PALB2: variants seen among roughly 807,000 people sequenced by gnomAD.
PALB2 encodes the protein partner and localizer of BRCA2.
PALB2 carries 82 observed loss-of-function variants against 107.4 expected under a neutral mutation model. That is an observed-to-expected ratio of 0.76 (90% CI 0.64 to 0.92). PALB2 has a LOEUF of 0.92. Ranked by LOEUF, PALB2 falls within the 40% of genes least tolerant of loss-of-function variation. PALB2 has a pLI of 0.00. For synonymous variants in PALB2, 489 were observed against 496.8 expected, an observed-to-expected ratio of 0.98 and a Z score of 0.21; for missense variants, 1,374 against 1,379.9, an observed-to-expected ratio of 1.00 and a Z score of 0.07.
chr16:23,628,759 T>C (rs974455402), intron 6 of PALB2, among the ~76,000 whole-genome samples: 3 of 152,108 alleles, frequency 2.0e-5, no homozygotes, highest in African/African-American at 7.2e-5. Flanking sequence ...TCAGCCTCCC[T>C]AGCAGCTGGG....
chr16:23,607,997 C>CAAT lies in PALB2; in HGVS notation c.3214_3216dup (p.Ile1072dup). 6.2e-7 allele frequency: 1 copy of CAAT among 1,613,860 alleles called. No individual in the cohort carries two copies. Among genetic ancestry groups the CAAT allele is most frequent in the South Asian group, 1.1e-5 (1 of 91,074 alleles). ...TCTTTGGCACAGGGATGACTCAGGA[C>CAAT]AATAAAGAGAAGCCCCTAATTTCGG... On this transcript the variant is annotated inframe_insertion, in exon 12 of 13. Transcript: ENST00000261584.
rs180177126 is a variant in PALB2 at position 23,623,043 on chromosome 16, CTT to C, written c.2920_2921del (p.Lys974GlufsTer5). On this transcript the variant is annotated frameshift_variant, in exon 9 of 13. Transcript: ENST00000261584. LOFTEE classifies it high-confidence loss of function. Reference sequence around the variant, plus strand: ...TCCCACTGCTACTAACTAGCCTCCTCTTTGTCAGGCCAAGCACAGCTTTTATA... The same window carrying C: ...TCCCACTGCTACTAACTAGCCTCCTCTGTCAGGCCAAGCACAGCTTTTATA... ...GNIKAVLGLT[K>X]RRLVSSSGTL... is the part of the protein sequence containing the mutation. 1.9e-6 allele frequency: 3 copies of C among 1,614,030 alleles called. No individual in the cohort carries two copies. Among genetic ancestry groups the C allele is most frequent in the Non-Finnish European group, 2.5e-6 (3 of 1,180,030 alleles).
chr16:23,637,952 G>T lies in PALB2; in HGVS notation c.109C>A (p.Arg37Ser), dbSNP rs200048921. 16 of 1,612,736 alleles carry T rather than the reference G, an allele frequency of 9.9e-6. No homozygotes were observed. The African/African-American group carries it at 1.6e-4, about 16-fold the overall frequency. ...TTAATCTTTTCAGCTCTTTGGGCAC[G>T]CTAGAGGAGACAAAAACAGCCCCAG... ...EYSKTLARLQ[R>S]AQRAEKIKHS... Residue 37 changes from arginine (R) to serine (S), a missense_variant and splice_region_variant, in exon 3 of 13, where the codon CGT (arginine) becomes AGT (serine). Coordinates refer to ENST00000261584, the MANE Select transcript of PALB2 (RefSeq NM_024675.4).
At chr16:23,622,343 AAAGGGTCTAGGACCTT>A (rs1473555063) in intron 9 of PALB2, among the ~76,000 whole-genome samples, 1 of 152,004 alleles carries the variant, frequency 6.6e-6, no homozygotes, top group African/African-American at 2.4e-5. Context: ...TGGAACGAGG[AAAGGGTCTAGGACCTT>A]AAGGTATTTC....
At chr16:23,624,695 G>C (rs1026672254) in intron 7 of PALB2, among the ~76,000 whole-genome samples, 1 of 152,168 alleles carries the variant, frequency 6.6e-6, no homozygotes, top group Non-Finnish European at 1.5e-5. Flanking sequence ...ATTTTTAGGA[G>C]AGACGGGGTT....
At chr16:23,625,968 G>A (rs902344800) in intron 7 of PALB2, among the ~76,000 whole-genome samples, 14 of 151,950 alleles carry the variant, frequency 9.2e-5, no homozygotes, top group African/African-American at 1.2e-4. Context: ...ATGACAGAGT[G>A]AGACCCTGTC....
Position 23,626,346 on chromosome 16 carries a change from C to T in PALB2, c.2638G>A (p.Ala880Thr), listed in dbSNP as rs1966842713. ...ATGATACATGGCTCTTTACAACCGG[C>T]TCTTTCCCAAAACATGGCACTCACA... ...VDVSAMFWERAGCKEPCIITA... is the reference protein window; with the variant it reads ...VDVSAMFWERTGCKEPCIITA... Residue 880 changes from alanine to threonine, a missense_variant, in exon 7 of 13, where the codon GCC (alanine) becomes ACC (threonine). Physicochemically the swap from Ala to Thr is moderately conservative, Grantham distance 58 (BLOSUM62 0). Transcript: ENST00000261584. 3.7e-6 allele frequency: 6 copies of T among 1,614,202 alleles called. No homozygotes were observed. The highest frequency in any genetic ancestry group is 5.1e-6 in the Non-Finnish European group (6 of 1,180,042).
intron 10 of PALB2, among the ~76,000 whole-genome samples, chr16:23,614,782 C>T (rs1434306554): frequency 6.7e-6 from 1 of 148,368 alleles, no homozygotes; most frequent in Non-Finnish European, 1.5e-5. Context: ...TCCCGAGTAG[C>T]TGGGACTACA....
intron 7 of PALB2, among the ~76,000 whole-genome samples, chr16:23,625,689 C>G (rs1966841203): frequency 6.6e-6 from 1 of 151,990 alleles, no homozygotes; most frequent in South Asian, 2.1e-4. Context: ...CCCAGCTACT[C>G]AGGAGGCTGA....
At chr16:23,629,547 G>GGAA in intron 5 of PALB2, 93 bp downstream of exon 5, 1 of 1,218,552 alleles carries the variant, frequency 8.2e-7, no homozygotes, top group Non-Finnish European at 1.2e-6. Context: ...TCTTAAACGT[G>GGAA]GAAGGCCCAA....
At chr16:23,629,575 C>T (rs2142370641) in intron 5 of PALB2, 65 bp downstream of exon 5, 1 of 1,478,234 alleles carries the variant, frequency 6.8e-7, no homozygotes, top group African/African-American at 1.4e-5. Flanking sequence ...GCAAGTCATG[C>T]TGTTTACATT....
intron 2 of PALB2, 55 bp downstream of exon 2, chr16:23,638,015 T>G: frequency 6.2e-7 from 1 of 1,605,646 alleles, no homozygotes; most frequent in Non-Finnish European, 8.5e-7. Context: ...AGTCAAGAAC[T>G]GTTTTTAAAT....
chr16:23,623,188 G>A (rs1966807082), intron 8 of PALB2, 58 bp from the exon 9 acceptor site: 2 of 1,328,260 alleles, frequency 1.5e-6, no homozygotes, highest in Non-Finnish European at 2.1e-6. Context: ...TAATATTAAA[G>A]GACTAGGTTC....
rs370422990 is a variant in PALB2 at position 23,630,455 on chromosome 16, G to A, written c.1699C>T (p.His567Tyr). The change falls in exon 5 of 13, where the codon CAT becomes TAT. Residue 567 changes from histidine to tyrosine, a missense_variant. His to Tyr is a moderately conservative substitution (Grantham distance 83). Coordinates refer to ENST00000261584, the MANE Select transcript of PALB2 (RefSeq NM_024675.4). ...FIQVKGKKSRHQKEDSLSWSN... is the reference protein window; with the variant it reads ...FIQVKGKKSRYQKEDSLSWSN... ...CAAGAAAGGGAATCCTCTTTTTGAT[G>A]ACGACTTTTCTTCCCTAAAGAAGAA... is the stretch of plus-strand genomic sequence containing the variant. 106 of 1,612,190 alleles carry A rather than the reference G, an allele frequency of 6.6e-5. No individual in the cohort carries two copies. Among genetic ancestry groups the A allele is most frequent in the South Asian group, 4.4e-5 (4 of 90,822 alleles).
Position 23,608,801 on chromosome 16 carries a change from T to TATATATACACACACACACAC in PALB2, c.3202-790_3202-789insGTGTGTGTGTGTGTATATAT, listed in dbSNP as rs560756242. Reference sequence around the variant, plus strand: ...ATATTACTGTATGTGTGTATATATATACACACACACACACACACACACATA... The same window carrying TATATATACACACACACACAC: ...ATATTACTGTATGTGTGTATATATATATATATACACACACACACACACACACACACACACACACACACATA... On this transcript the variant is annotated intron_variant, in intron 11 of 12. Transcript: ENST00000261584. 6.4e-3 allele frequency among the ~76,000 whole-genome samples: 916 copies of TATATATACACACACACACAC among 143,762 alleles called. 5 individuals are homozygous for TATATATACACACACACACAC. Among genetic ancestry groups the TATATATACACACACACACAC allele is most frequent in the Middle Eastern group, 0.028 (8 of 284 alleles). The allele number at this position is 143,762 out of a possible 152,430, so 94.3% of individuals were successfully genotyped here. A position where few individuals can be genotyped will look rare whatever the true frequency, so the allele number is the denominator to read the frequency against.
intron 11 of PALB2, among the ~76,000 whole-genome samples, chr16:23,608,909 C>A (rs1358192966): frequency 6.6e-6 from 1 of 151,444 alleles, no homozygotes; most frequent in African/African-American, 2.4e-5. Flanking sequence ...CTCACTGCAA[C>A]CTCCGCCTCC....
rs876660474 is a variant in PALB2 at position 23,603,476 on chromosome 16, C to T, written c.3544G>A (p.Val1182Ile). ...ACCCTAACTTATGAATAGTGGTATA[C>T]AAATATATTTCCATCTTTTTGTCCA... The part of the protein sequence containing the change: ...LAGQKDGNIF[V>I]YHYS The change falls in exon 13 of 13, where the codon GTA (valine) becomes ATA (isoleucine). Residue 1182 changes from valine to isoleucine, a missense_variant. Coordinates refer to ENST00000261584, the MANE Select transcript of PALB2 (RefSeq NM_024675.4). The T allele has an allele frequency of 6.2e-7, 1 of 1,613,230 alleles. No individual in the cohort carries two copies. The highest frequency in any genetic ancestry group is 8.5e-7 in the Non-Finnish European group (1 of 1,179,232).
intron 11 of PALB2, among the ~76,000 whole-genome samples, chr16:23,609,655 C>G (rs1043773790): frequency 3.9e-5 from 6 of 152,068 alleles, no homozygotes; most frequent in African/African-American, 1.2e-4. Context: ...GTAGCTGGAA[C>G]TACAGGCGCC....
At chr16:23,608,952 C>T (rs888669272) in intron 11 of PALB2, among the ~76,000 whole-genome samples, 2 of 151,936 alleles carry the variant, frequency 1.3e-5, no homozygotes, top group Admixed American at 6.6e-5. Context: ...CTCAGCCTCC[C>T]AAGTAGCTGG....
Sources: gnomAD v4.1 joint callset for allele counts (sites outside exome capture counted in the v4.1 genomes callset) on GRCh38, gnomAD v4.1.1 for gene constraint, MANE v1.5 for transcripts, NCBI Gene and HGNC (gene_info 2026-07-23, HGNC 2026-07-21) for gene names.